The following FOXN2 variants were observed in gnomAD, a reference collection of about 807,000 sequenced individuals.
FOXN2 encodes the protein forkhead box protein N2.
A neutral mutation model predicts 41.2 loss-of-function variants in FOXN2; 19 were observed. The observed-to-expected ratio is 0.46, with a 90% CI of 0.32 to 0.68. The LOEUF (loss-of-function observed/expected upper bound fraction) is 0.68, where lower values mean the gene tolerates loss of function less well. Among genes scored for constraint, FOXN2 ranks in the 30% least tolerant of loss-of-function variants. FOXN2 has a pLI of 0.03. For missense variants in FOXN2, 587 were observed against 509.4 expected (o/e 1.15, Z -1.47); for synonymous variants, 195 against 176.8 (o/e 1.10, Z -0.82).
chr2:48,315,236 T>A (rs1668825480), intron 1 of FOXN2, among the ~76,000 whole-genome samples: 1 of 152,004 alleles, frequency 6.6e-6, no homozygotes, highest in African/African-American at 2.4e-5. Flanking sequence ...CCCAAGCACC[T>A]CGGAGCCTTT....
intron 2 of FOXN2, among the ~76,000 whole-genome samples, chr2:48,332,429 G>A (rs1203928887): frequency 6.6e-6 from 1 of 152,074 alleles, no homozygotes; most frequent in Non-Finnish European, 1.5e-5. Flanking sequence ...GAGTGCATGG[G>A]GACAAATATA....
chr2:48,375,345 G>T lies in FOXN2; in HGVS notation c.1198G>T (p.Ala400Ser). 1 of 1,613,658 alleles carries T rather than the reference G, an allele frequency of 6.2e-7. No homozygotes were observed. The highest frequency in any genetic ancestry group is 8.5e-7 in the Non-Finnish European group (1 of 1,179,838). Residue 400 changes from alanine to serine, a missense_variant, in exon 7 of 7, where the codon GCA (alanine) becomes TCA (serine). Coordinates refer to ENST00000340553, the MANE Select transcript of FOXN2 (RefSeq NM_002158.4). ...AGAAATTGATGAGGAGCTCAAAGAG[G>T]CAGCTGGATCTCTGCTCCACCTTGC... ...CQEIDEELKE[A>S]AGSLLHLAGI...
chr2:48,352,820 G>A (rs1482826684), intron 3 of FOXN2, among the ~76,000 whole-genome samples: 2 of 151,974 alleles, frequency 1.3e-5, no homozygotes, highest in African/African-American at 2.4e-5. Context: ...TGAGATACGT[G>A]GTATTAATTG....
Position 48,375,265 on chromosome 2 carries a change from C to CA in FOXN2, c.1123dup (p.Ile375AsnfsTer3). The CA allele has an allele frequency of 6.2e-7, 1 of 1,613,896 alleles. No homozygotes were observed. The highest frequency in any genetic ancestry group is 8.5e-7 in the Non-Finnish European group (1 of 1,179,968). ...AGTGGCTATGCATCACAGCCTTGTG[C>CA]AAAAATCTCTGAAAAAGGGCAGTCA... On this transcript the variant is annotated frameshift_variant, in exon 7 of 7. Coordinates refer to ENST00000340553, the MANE Select transcript of FOXN2 (RefSeq NM_002158.4). LOFTEE classifies it high-confidence loss of function.
chr2:48,329,695 A>T (rs1181051864), intron 2 of FOXN2, among the ~76,000 whole-genome samples: 1 of 152,188 alleles, frequency 6.6e-6, no homozygotes, highest in African/African-American at 2.4e-5. Flanking sequence ...TTTGCAGTAC[A>T]TTTGGGATTT....
chr2:48,337,069 T>G (rs1670411348), intron 2 of FOXN2, among the ~76,000 whole-genome samples: 1 of 148,134 alleles, frequency 6.8e-6, no homozygotes, highest in African/African-American at 2.5e-5. Flanking sequence ...TTTTTTTTTT[T>G]GTACTCATTA....
chr2:48,316,951 A>ATAG (rs57171898), intron 1 of FOXN2, among the ~76,000 whole-genome samples: 149,409 of 152,304 alleles, frequency 0.98, 73,486 homozygotes, highest in Middle Eastern at 1. Context: ...AGAAAAGTTA[A>ATAG]ATAAAGATAT....
At chr2:48,324,976 A>G (rs1270551503) in intron 1 of FOXN2, among the ~76,000 whole-genome samples, 4 of 152,240 alleles carry the variant, frequency 2.6e-5, no homozygotes, top group East Asian at 3.8e-4. Flanking sequence ...TAGACAATCC[A>G]GTTGTTAGAA....
intron 5 of FOXN2, among the ~76,000 whole-genome samples, chr2:48,364,573 G>A (rs1672405777): frequency 6.6e-6 from 1 of 151,356 alleles, no homozygotes; most frequent in African/African-American, 2.4e-5. Context: ...TATTTTTATG[G>A]GTATTTTTCA....
At chr2:48,371,614 C>T (rs536730454) in intron 5 of FOXN2, among the ~76,000 whole-genome samples, 2 of 152,178 alleles carry the variant, frequency 1.3e-5, no homozygotes, top group South Asian at 4.1e-4. Flanking sequence ...TTCCATACAA[C>T]TTTCAGGATT....
intron 6 of FOXN2, among the ~76,000 whole-genome samples, chr2:48,374,704 A>G (rs1234348183): frequency 1.3e-5 from 2 of 152,222 alleles, no homozygotes; most frequent in Non-Finnish European, 2.9e-5. Context: ...ATAGTTACAT[A>G]TGCTATAGAA....
intron 2 of FOXN2, among the ~76,000 whole-genome samples, chr2:48,341,183 CT>C (rs1670740667): frequency 6.6e-6 from 1 of 151,980 alleles, no homozygotes; most frequent in Admixed American, 6.5e-5. Context: ...CCCAGGTTTC[CT>C]TTTATTTATG....
intron 1 of FOXN2, among the ~76,000 whole-genome samples, chr2:48,325,677 A>G (rs181552234): frequency 6.6e-6 from 1 of 152,264 alleles, no homozygotes; most frequent in Non-Finnish European, 1.5e-5. Flanking sequence ...AGTAAACAAA[A>G]CAGACAACTA....
chr2:48,371,323 G>C (rs972928275), intron 5 of FOXN2, among the ~76,000 whole-genome samples: 2 of 152,104 alleles, frequency 1.3e-5, no homozygotes, highest in African/African-American at 4.8e-5. Flanking sequence ...CTTGAACCTG[G>C]GAGATGGAGG....
At chr2:48,359,622 C>CTTTTCTTTT (rs1553414713) in intron 4 of FOXN2, among the ~76,000 whole-genome samples, 1 of 150,096 alleles carries the variant, frequency 6.7e-6, no homozygotes, top group Non-Finnish European at 1.5e-5. Context: ...CTTTTCTTTT[C>CTTTTCTTTT]TTTTTTTAAG....
chr2:48,362,768 A>G (rs1672278174), intron 5 of FOXN2, 61 bp downstream of exon 5: 8 of 1,342,442 alleles, frequency 6.0e-6, no homozygotes, highest in Non-Finnish European at 7.5e-6. Flanking sequence ...AACAACAGGC[A>G]GTGCATAACA....
At chr2:48,368,969 T>G (rs1051955202) in intron 5 of FOXN2, among the ~76,000 whole-genome samples, 4 of 152,194 alleles carry the variant, frequency 2.6e-5, no homozygotes, top group Non-Finnish European at 5.9e-5. Flanking sequence ...GCAAAATCCT[T>G]TTGCAAAGAA....
intron 1 of FOXN2, among the ~76,000 whole-genome samples, chr2:48,318,014 A>C (rs1053673582): frequency 6.6e-6 from 1 of 152,168 alleles, no homozygotes; most frequent in African/African-American, 2.4e-5. Flanking sequence ...ATTTGCTTCT[A>C]AGGGATTTTG....
intron 3 of FOXN2, among the ~76,000 whole-genome samples, chr2:48,353,731 A>T (rs1457117040): frequency 6.6e-6 from 1 of 152,094 alleles, no homozygotes; most frequent in African/African-American, 2.4e-5. Context: ...ATTTTTTGTT[A>T]TAAACACTGC....
Sources: allele counts gnomAD v4.1 joint callset (sites outside exome capture counted in the v4.1 genomes callset), GRCh38; gene constraint gnomAD v4.1.1; transcripts MANE v1.5; gene names NCBI Gene and HGNC (gene_info 2026-07-23, HGNC 2026-07-21).